The following RFC3 variants were observed in gnomAD, a reference collection of about 807,000 sequenced individuals.
RFC3 encodes the protein replication factor C subunit 3, also known as A1 38 kDa subunit.
Under a neutral mutation model 45.1 loss-of-function variants are expected in RFC3, and 41 were observed. The ratio of observed to expected loss-of-function variants is 0.91; its 90% CI spans 0.71 to 1.18. The LOEUF (loss-of-function observed/expected upper bound fraction) is 1.18, where lower values mean the gene tolerates loss of function less well. Ranked by LOEUF, RFC3 falls within the 50% of genes most tolerant of loss-of-function variation. RFC3 has a pLI of 0.00. For missense variants in RFC3, 423 were observed against 428.1 expected, an observed-to-expected ratio of 0.99 and a Z score of 0.10; for synonymous variants, 149 against 144.0, an observed-to-expected ratio of 1.03 and a Z score of -0.25.
chr13:33,937,559 C>T (rs548497801), intron 8 of RFC3, among the ~76,000 whole-genome samples: 1 of 152,262 alleles, frequency 6.6e-6, no homozygotes, highest in Admixed American at 6.5e-5. Context: ...ACTAAAGCCT[C>T]TGTCTTTTGA....
chr13:33,965,590 G>A (rs573524625), intron 8 of RFC3, among the ~76,000 whole-genome samples: 117 of 152,250 alleles, frequency 7.7e-4, no homozygotes, highest in Admixed American at 2.4e-3. Context: ...CACGGGTATT[G>A]TGAGATTTAA....
At chr13:33,930,600 C>T (rs748069027) in intron 8 of RFC3, among the ~76,000 whole-genome samples, 1 of 152,086 alleles carries the variant, frequency 6.6e-6, no homozygotes, top group Non-Finnish European at 1.5e-5. Context: ...GCAACACCCT[C>T]GCGGACACAC....
rs1393434486 is a variant in RFC3, at chr13:33,818,247, G to A, written c.69G>A (p.Ala23=). 5 of 1,613,328 alleles carry A rather than the reference G, an allele frequency of 3.1e-6. No homozygotes were observed. In the East Asian group the frequency reaches 1.1e-4, roughly 36 times the overall value. The change falls in exon 1 of 9, where the codon GCG becomes GCA. Residue 23 remains alanine, a synonymous_variant. Transcript: ENST00000380071. ...LGRLDYHKEQ[A]AQLRNLVQCG... ...GGCTGGACTATCACAAGGAGCAGGC[G>A]GCCCAGCTGCGGAACCTGGTGAGTC... is the stretch of plus-strand genomic sequence containing the variant.
At chr13:33,882,740 A>G (rs1217941198) in intron 8 of RFC3, among the ~76,000 whole-genome samples, 1 of 152,210 alleles carries the variant, frequency 6.6e-6, no homozygotes, top group Non-Finnish European at 1.5e-5. Flanking sequence ...TTCCATCACC[A>G]CAAAGAAACT....
At chr13:33,850,504 T>G (rs552197227) in intron 8 of RFC3, 2 of 152,204 alleles carry the variant, frequency 1.3e-5, no homozygotes, top group South Asian at 4.2e-4. Flanking sequence ...CAAAATTTAA[T>G]CAGGCTTTGA....
At chr13:33,964,315 A>T (rs2083074898) in intron 8 of RFC3, among the ~76,000 whole-genome samples, 1 of 152,210 alleles carries the variant, frequency 6.6e-6, no homozygotes, top group Non-Finnish European at 1.5e-5. Context: ...GCAATTATCA[A>T]TCATAAGCTA....
chr13:33,955,171 T>G (rs980232538), intron 8 of RFC3, among the ~76,000 whole-genome samples: 1 of 151,870 alleles, frequency 6.6e-6, no homozygotes, highest in South Asian at 2.1e-4. Context: ...AATTATAGGG[T>G]TAATGAACAA....
chr13:33,916,351 A>G (rs993285229), intron 8 of RFC3, among the ~76,000 whole-genome samples: 10 of 152,322 alleles, frequency 6.6e-5, no homozygotes, highest in African/African-American at 2.4e-4. Flanking sequence ...AAGAAAGAAA[A>G]AAAGAAAGCA....
intron 3 of RFC3, among the ~76,000 whole-genome samples, chr13:33,824,316 A>G (rs1251427431): frequency 6.6e-6 from 1 of 152,186 alleles, no homozygotes; most frequent in Non-Finnish European, 1.5e-5. Context: ...TAAAAAGTTT[A>G]CAGTGTTTGG....
At chr13:33,823,048 C>G (rs1327360093) in intron 2 of RFC3, among the ~76,000 whole-genome samples, 9 of 152,058 alleles carry the variant, frequency 5.9e-5, no homozygotes, top group African/African-American at 2.2e-4. Flanking sequence ...AGGCATTAAA[C>G]ACATGTAAGG....
chr13:33,962,053 C>A (rs1043362757), intron 8 of RFC3, among the ~76,000 whole-genome samples: 1 of 152,156 alleles, frequency 6.6e-6, no homozygotes, highest in Non-Finnish European at 1.5e-5. Flanking sequence ...GTCAGGCAAG[C>A]CCTTCTTCTG....
intron 1 of RFC3, among the ~76,000 whole-genome samples, chr13:33,820,281 T>A (rs530360873): frequency 1.3e-5 from 2 of 152,364 alleles, no homozygotes; most frequent in South Asian, 2.1e-4. Context: ...ACTTCTGACT[T>A]CTAACTTTGT....
rs1280237838 is a variant in RFC3, at chr13:33,883,205, A to T, written c.879+47988A>T. On this transcript the variant is annotated intron_variant, in intron 8 of 8. Transcript: ENST00000434425. The stretch of plus-strand genomic sequence containing the variant: ...ACAACCAACTATATATCTTAAAATG[A>T]CCCTGCAAAAATATTGGAACTCTGT... Among the ~76,000 whole-genome samples the T allele has an allele frequency of 3.3e-5, 5 of 152,330 alleles. No homozygotes were observed. The East Asian group carries it at 7.7e-4, about 23-fold the overall frequency.
chr13:33,969,003 A>G (rs2083100018), downstream of RFC3, among the ~76,000 whole-genome samples: 1 of 152,072 alleles, frequency 6.6e-6, no homozygotes, highest in Non-Finnish European at 1.5e-5. Context: ...CACCGTACAA[A>G]TTTTCTTCAT....
chr13:33,885,824 G>A (rs1006708975), intron 8 of RFC3, among the ~76,000 whole-genome samples: 3 of 152,296 alleles, frequency 2.0e-5, no homozygotes, highest in Middle Eastern at 3.4e-3. Flanking sequence ...GTCACTGTGA[G>A]TTGCCTACCC....
rs3135636 is a variant in RFC3 at position 33,836,439 on chromosome 13, C to T, written c.*144C>T. On this transcript the variant is annotated 3_prime_UTR_variant, in exon 9 of 9. Coordinates refer to ENST00000380071, the MANE Select transcript of RFC3 (RefSeq NM_002915.4). Reference sequence around the variant, plus strand: ...AATAACTTCTCTGTGAACTATTAATCATCCTCTGAGTTAAATAATTGCTCC... The same window carrying T: ...AATAACTTCTCTGTGAACTATTAATTATCCTCTGAGTTAAATAATTGCTCC... 411 of 1,453,888 alleles carry T rather than the reference C, an allele frequency of 2.8e-4. No individual in the cohort carries two copies. The African/African-American group carries it at 4.5e-3, about 16-fold the overall frequency. 90.1% of individuals were successfully genotyped at this position (1,453,888 alleles called of 1,614,324 possible).
intron 8 of RFC3, among the ~76,000 whole-genome samples, chr13:33,952,610 T>G (rs1212528092): frequency 2.0e-5 from 3 of 152,226 alleles, no homozygotes; most frequent in Non-Finnish European, 4.4e-5. Flanking sequence ...CTACTTTCCC[T>G]GGTGATCTCT....
chr13:33,883,367 T>G (rs1176619704), intron 8 of RFC3, among the ~76,000 whole-genome samples: 1 of 152,212 alleles, frequency 6.6e-6, no homozygotes, highest in Non-Finnish European at 1.5e-5. Flanking sequence ...ACTGAAATAA[T>G]GAAATATTTC....
At chr13:33,938,321 C>T (rs921197752) in intron 8 of RFC3, among the ~76,000 whole-genome samples, 1 of 151,874 alleles carries the variant, frequency 6.6e-6, no homozygotes, top group Admixed American at 6.6e-5. Context: ...TATGCTCTAT[C>T]CCGTTTTTAA....
Sources: gnomAD v4.1 joint callset for allele counts (sites outside exome capture counted in the v4.1 genomes callset) on GRCh38, gnomAD v4.1.1 for gene constraint, MANE v1.5 for transcripts, NCBI Gene and HGNC (gene_info 2026-07-23, HGNC 2026-07-21) for gene names.